FGF13: variants seen among roughly 807,000 people sequenced by gnomAD.
FGF13 encodes the protein fibroblast growth factor homologous factor 2.
Under a neutral mutation model 19.5 loss-of-function variants are expected in FGF13, and 2 were observed. The observed-to-expected ratio is 0.10, with a 90% confidence interval of 0.04 to 0.32. The LOEUF (loss-of-function observed/expected upper bound fraction) is 0.32. Ranked by LOEUF, FGF13 falls within the 10% of genes least tolerant of loss-of-function variation. The pLI, the probability that FGF13 is intolerant of heterozygous loss-of-function variation, is 1.00. For synonymous variants in FGF13, 72 were observed against 76.9 expected, an observed-to-expected ratio of 0.94 and a Z score of 0.33; for missense variants, 113 against 192.7, an observed-to-expected ratio of 0.59 and a Z score of 2.45.
intron 1 of FGF13, among the ~76,000 whole-genome samples, chrX:139,079,673 T>C (rs2083356644): frequency 9.0e-6 from 1 of 111,052 alleles, no homozygotes; most frequent in South Asian, 3.8e-4. Flanking sequence ...ACTGAAGGGA[T>C]AGGGAGATGG....
chrX:138,980,229 T>A (rs1222870540), intron 1 of FGF13, among the ~76,000 whole-genome samples: 1 of 111,518 alleles, frequency 9.0e-6, no homozygotes, highest in African/African-American at 3.3e-5. Flanking sequence ...TGTCCATCTC[T>A]ATCAGTCTGG....
chrX:139,061,339 T>C (rs2092335387), intron 1 of FGF13, among the ~76,000 whole-genome samples: 3 of 112,074 alleles, frequency 2.7e-5, no homozygotes, highest in South Asian at 7.5e-4. Flanking sequence ...ATTTGGGTTA[T>C]GAGGGATTCA....
intron 1 of FGF13, among the ~76,000 whole-genome samples, chrX:138,911,666 T>C (rs2091588734): frequency 8.9e-6 from 1 of 111,787 alleles, no homozygotes; most frequent in Non-Finnish European, 1.9e-5. Context: ...CACTTGGAAG[T>C]ATTTGCTCGT....
At chrX:139,204,398 A>C, upstream of FGF13, 4 of 180,804 alleles carry the variant, frequency 2.2e-5, no homozygotes, top group East Asian at 2.6e-4. Flanking sequence ...TGAAGAGACA[A>C]AGCGGCGCGG....
intron 1 of FGF13, among the ~76,000 whole-genome samples, chrX:138,951,490 CA>C (rs907196069): frequency 7.3e-5 from 8 of 110,113 alleles, no homozygotes; most frequent in South Asian, 3.8e-4. Context: ...AAAAAATATT[CA>C]AAAAAAATAT....
chrX:138,743,692 T>C (rs2090335296), upstream of FGF13, among the ~76,000 whole-genome samples: 1 of 111,739 alleles, frequency 8.9e-6, no homozygotes, highest in Non-Finnish European at 1.9e-5. Context: ...GCTCTAAAAA[T>C]AAAGTCTATT....
chrX:139,198,210 A>C (rs377695384), intron 1 of FGF13, among the ~76,000 whole-genome samples: 13 of 111,308 alleles, frequency 1.2e-4, no homozygotes, highest in African/African-American at 3.9e-4. Flanking sequence ...CAATTACAAA[A>C]AAAGGAAATT....
At chrX:139,123,294 A>T (rs1175779181) in intron 1 of FGF13, among the ~76,000 whole-genome samples, 1 of 111,775 alleles carries the variant, frequency 8.9e-6, no homozygotes, top group Non-Finnish European at 1.9e-5. Flanking sequence ...GTATTTTTTT[A>T]AAAATGCTCG....
At chrX:138,917,943 C>T in intron 1 of FGF13, among the ~76,000 whole-genome samples, 1 of 111,376 alleles carries the variant, frequency 9.0e-6, no homozygotes, top group Non-Finnish European at 1.9e-5. Flanking sequence ...TCAGAACAAT[C>T]TTCCTGAGTT....
At chrX:138,909,954 G>A (rs1014622933) in intron 1 of FGF13, among the ~76,000 whole-genome samples, 4 of 111,259 alleles carry the variant, frequency 3.6e-5, no homozygotes, top group Admixed American at 2.9e-4. Context: ...TTAAGTTAGT[G>A]TATCATAGCT....
chrX:139,201,870 A>T (rs1351884015), intron 1 of FGF13, among the ~76,000 whole-genome samples: 1 of 111,405 alleles, frequency 9.0e-6, no homozygotes, highest in Non-Finnish European at 1.9e-5. Context: ...CTGAAATGGC[A>T]ATCTTGCTCT....
At chrX:138,657,054 T>C (rs763570448) in intron 3 of FGF13, among the ~76,000 whole-genome samples, 1 of 111,776 alleles carries the variant, frequency 8.9e-6, no homozygotes, top group Non-Finnish European at 1.9e-5. Flanking sequence ...GTTTCATAGA[T>C]CACCCCTGTG....
chrX:139,092,263 A>G (rs918003853), intron 1 of FGF13, among the ~76,000 whole-genome samples: 17 of 112,247 alleles, frequency 1.5e-4, no homozygotes, highest in Middle Eastern at 4.6e-3. Flanking sequence ...TTGCTCCCTA[A>G]AAGGATGTGA....
At chrX:139,168,008 A>T (rs779833638) in intron 1 of FGF13, among the ~76,000 whole-genome samples, 3 of 112,366 alleles carry the variant, frequency 2.7e-5, no homozygotes, top group Non-Finnish European at 5.6e-5. Flanking sequence ...TCTGGAGTTC[A>T]AAATGAAAAC....
intron 1 of FGF13, among the ~76,000 whole-genome samples, chrX:138,913,068 A>G (rs2091596595): frequency 9.0e-6 from 1 of 111,283 alleles, no homozygotes; most frequent in Non-Finnish European, 1.9e-5. Flanking sequence ...TAAACTGTAA[A>G]CAAAATTTCA....
chrX:138,825,207 A>G (rs2091025929), intron 3 of FGF13, among the ~76,000 whole-genome samples: 1 of 111,650 alleles, frequency 9.0e-6, no homozygotes. Flanking sequence ...GTTAAAGAGC[A>G]TTGTCTTTGG....
chrX:139,151,272 G>A (rs1168265033), intron 1 of FGF13, among the ~76,000 whole-genome samples: 1 of 111,601 alleles, frequency 9.0e-6, no homozygotes, highest in Non-Finnish European at 1.9e-5. Flanking sequence ...TGCCAGATCA[G>A]TACTAGAAAA....
intron 1 of FGF13, among the ~76,000 whole-genome samples, chrX:139,189,639 T>C (rs1191341991): frequency 9.0e-6 from 1 of 111,342 alleles, no homozygotes; most frequent in Non-Finnish European, 1.9e-5. Flanking sequence ...GTCAAACCCA[T>C]AGAGACAAAG....
chrX:138,685,806 G>T (rs17538893), intron 3 of FGF13, among the ~76,000 whole-genome samples: 3,103 of 110,020 alleles, frequency 0.028, 53 homozygotes, highest in Non-Finnish European at 0.045. Flanking sequence ...CCTCAGATGA[G>T]ATCCCCCTAT....
Sources: gnomAD v4.1 joint callset for allele counts (sites outside exome capture counted in the v4.1 genomes callset) on GRCh38, gnomAD v4.1.1 for gene constraint, MANE v1.5 for transcripts, NCBI Gene and HGNC (gene_info 2026-07-23, HGNC 2026-07-21) for gene names.